RBPMS: variants seen among roughly 807,000 people sequenced by gnomAD.
The protein encoded by RBPMS is RNA-binding protein with multiple splicing.
RBPMS carries 7 observed loss-of-function variants against 26.8 expected under a neutral mutation model. That is an observed-to-expected ratio of 0.26 (90% CI 0.15 to 0.49). The LOEUF (loss-of-function observed/expected upper bound fraction) is 0.49. Ranked by LOEUF, RBPMS falls within the 20% of genes least tolerant of loss-of-function variation. The pLI is 0.98. For synonymous variants in RBPMS, 96 were observed against 93.3 expected, an observed-to-expected ratio of 1.03 and a Z score of -0.17; for missense variants, 186 against 250.0, an observed-to-expected ratio of 0.74 and a Z score of 1.73.
intron 1 of RBPMS, among the ~76,000 whole-genome samples, chr8:30,442,202 G>C (rs532678525): frequency 6.6e-6 from 1 of 152,174 alleles, no homozygotes; most frequent in Non-Finnish European, 1.5e-5. Flanking sequence ...TGGCTACTGA[G>C]TAACAATTCT....
At chr8:30,559,463 T>C (rs1386627077) in intron 7 of RBPMS, among the ~76,000 whole-genome samples, 1 of 152,256 alleles carries the variant, frequency 6.6e-6, no homozygotes, top group African/African-American at 2.4e-5. Flanking sequence ...GGCTTTCCTT[T>C]AAGGTTTTCA....
chr8:30,556,638 AC>A lies in RBPMS; in HGVS notation c.529-2246del. On this transcript the variant is annotated intron_variant, in intron 6 of 8. Transcript: ENST00000397323. ...CTGACCCAGTGCACACAGACCCATCACCCTCTACTGTGTGTTTAGGTGTCCA... is the reference window on the plus strand; with the variant it reads ...CTGACCCAGTGCACACAGACCCATCACCTCTACTGTGTGTTTAGGTGTCCA... The A allele has an allele frequency of 4.1e-6, 4 of 985,570 alleles. No homozygotes were observed. The South Asian group carries it at 1.4e-4, about 35-fold the overall frequency. The allele number at this position is 985,570 out of a possible 1,614,324, so 61.1% of individuals were successfully genotyped here. A position where few individuals can be genotyped will look rare whatever the true frequency, so the allele number is the denominator to read the frequency against.
chr8:30,415,971 C>T (rs189145256), intron 1 of RBPMS, among the ~76,000 whole-genome samples: 1 of 152,262 alleles, frequency 6.6e-6, no homozygotes, highest in Non-Finnish European at 1.5e-5. Flanking sequence ...CACAATGAAT[C>T]CCCTTTGTAA....
intron 1 of RBPMS, among the ~76,000 whole-genome samples, chr8:30,429,594 TTACAG>T (rs1811712976): frequency 1.3e-5 from 2 of 152,204 alleles, no homozygotes; most frequent in Admixed American, 1.3e-4. Context: ...GTCTAGCCAA[TTACAG>T]TACATCTCAA....
intron 6 of RBPMS, chr8:30,549,545 C>CCGT: frequency 6.2e-7 from 1 of 1,614,172 alleles, no homozygotes; most frequent in Non-Finnish European, 8.5e-7. Flanking sequence ...CTTGAGCGCT[C>CCGT]CGTCTCCTGA....
At chr8:30,436,141 C>G (rs1387553902) in intron 1 of RBPMS, among the ~76,000 whole-genome samples, 1 of 152,156 alleles carries the variant, frequency 6.6e-6, no homozygotes, top group Non-Finnish European at 1.5e-5. Flanking sequence ...AAACAATTGT[C>G]TTTTCTCAGA....
intron 4 of RBPMS, among the ~76,000 whole-genome samples, chr8:30,480,159 G>A (rs915792547): frequency 2.6e-5 from 4 of 152,210 alleles, no homozygotes; most frequent in African/African-American, 9.7e-5. Flanking sequence ...TAGGCAGTTG[G>A]CCTAAGTGGC....
intron 4 of RBPMS, among the ~76,000 whole-genome samples, chr8:30,499,546 T>G (rs1267417168): frequency 6.6e-6 from 1 of 152,050 alleles, no homozygotes; most frequent in Admixed American, 6.6e-5. Flanking sequence ...TTATGCACTG[T>G]GCAGGACATC....
intron 7 of RBPMS, chr8:30,561,813 TC>T: frequency 1.0e-6 from 1 of 972,304 alleles, no homozygotes; most frequent in Non-Finnish European, 1.2e-6. Context: ...AGGGCTTTTT[TC>T]CCCTTAAGAA....
At chr8:30,483,391 C>T (rs145437607) in intron 4 of RBPMS, among the ~76,000 whole-genome samples, 1 of 152,116 alleles carries the variant, frequency 6.6e-6, no homozygotes, top group Non-Finnish European at 1.5e-5. Flanking sequence ...AAATTGCCTT[C>T]CCAACCAAAA....
chr8:30,556,773 T>C, intron 6 of RBPMS: 1 of 986,006 alleles, frequency 1.0e-6, no homozygotes. Context: ...TGGATTCAGA[T>C]GCACCAGGCC....
chr8:30,480,507 CTTG>C (rs1818163619), intron 4 of RBPMS, among the ~76,000 whole-genome samples: 1 of 152,144 alleles, frequency 6.6e-6, no homozygotes, highest in African/African-American at 2.4e-5. Context: ...CACCTTAATT[CTTG>C]TTGGTTTTTC....
chr8:30,413,512 T>C (rs1003946516), intron 1 of RBPMS, among the ~76,000 whole-genome samples: 1 of 152,250 alleles, frequency 6.6e-6, no homozygotes, highest in African/African-American at 2.4e-5. Flanking sequence ...CTCAGCCTGC[T>C]CCAAGAAGAG....
chr8:30,552,126 A>G (rs1826433536), intron 6 of RBPMS, among the ~76,000 whole-genome samples: 1 of 152,096 alleles, frequency 6.6e-6, no homozygotes, highest in Middle Eastern at 3.2e-3. Flanking sequence ...GAAGAGAAAC[A>G]CCAGAGCCAG....
At chr8:30,487,702 AAT>A (rs2150875258) in intron 4 of RBPMS, among the ~76,000 whole-genome samples, 1 of 151,224 alleles carries the variant, frequency 6.6e-6, no homozygotes, top group South Asian at 2.1e-4. Flanking sequence ...ATACATAATA[AAT>A]ATGAGACTAG....
At chr8:30,467,300 T>C (rs898332327) in intron 1 of RBPMS, among the ~76,000 whole-genome samples, 15 of 152,228 alleles carry the variant, frequency 9.9e-5, no homozygotes, top group Admixed American at 8.5e-4. Flanking sequence ...GGTTACAAAG[T>C]TAACAAATAA....
intron 7 of RBPMS, among the ~76,000 whole-genome samples, chr8:30,561,177 T>C (rs549583213): frequency 6.6e-6 from 1 of 152,308 alleles, no homozygotes; most frequent in Admixed American, 6.5e-5. Context: ...ATTTTTTTGC[T>C]CCAGGGAATA....
chr8:30,518,698 T>TC (rs755724962), intron 5 of RBPMS, among the ~76,000 whole-genome samples: 1 of 129,238 alleles, frequency 7.7e-6, no homozygotes, highest in Non-Finnish European at 1.6e-5. Context: ...TTTTTTTTTT[T>TC]TTTTTTTTTT....
At chr8:30,539,597 A>G (rs766530792) in intron 5 of RBPMS, among the ~76,000 whole-genome samples, 1 of 142,228 alleles carries the variant, frequency 7.0e-6, no homozygotes, top group African/African-American at 2.6e-5. Context: ...CAAATGGTTG[A>G]TTTTTTTTTT....
Sources: allele counts gnomAD v4.1 joint callset (sites outside exome capture counted in the v4.1 genomes callset), GRCh38; gene constraint gnomAD v4.1.1; transcripts MANE v1.5; gene names NCBI Gene and HGNC (gene_info 2026-07-23, HGNC 2026-07-21).